ZBTB46: variants seen among roughly 807,000 people sequenced by gnomAD.
ZBTB46 encodes zinc finger and BTB domain containing 46.
In ZBTB46, 8 loss-of-function variants were observed where a neutral mutation model predicts 44.1. The observed-to-expected ratio is 0.18, with a 90% CI of 0.11 to 0.33. The LOEUF is 0.33. ZBTB46 is among the 10% of genes least tolerant of loss of function. The pLI is 1.00. For missense variants in ZBTB46, 651 were observed against 847.7 expected, an observed-to-expected ratio of 0.77 and a Z score of 2.88; for synonymous variants, 409 against 382.3, an observed-to-expected ratio of 1.07 and a Z score of -0.81.
chr20:63,817,941 A>T (rs2092769439), intron 1 of ZBTB46, among the ~76,000 whole-genome samples: 1 of 152,158 alleles, frequency 6.6e-6, no homozygotes, highest in Non-Finnish European at 1.5e-5. Flanking sequence ...GTCAGCCTCC[A>T]GCCCTGTGAC....
At chr20:63,791,744 CCCT>C (rs2092562865) in intron 1 of ZBTB46, among the ~76,000 whole-genome samples, 1 of 152,118 alleles carries the variant, frequency 6.6e-6, no homozygotes, top group Non-Finnish European at 1.5e-5. Flanking sequence ...CTCTGGGTCC[CCCT>C]CATCAGAAGA....
chr20:63,752,681 C>G lies in ZBTB46; in HGVS notation c.1398+5G>C. ...GCGCGGCACGCGGACCCTCCCCGCACTCACCAGCGTGTGGCGCTTCATGTG... is the reference window on the plus strand; with the variant it reads ...GCGCGGCACGCGGACCCTCCCCGCAGTCACCAGCGTGTGGCGCTTCATGTG... On this transcript the variant is annotated splice_donor_5th_base_variant and intron_variant, in intron 4 of 4. Coordinates refer to ENST00000245663, the MANE Select transcript of ZBTB46 (RefSeq NM_001369741.1). This position sits in a 1 kb window ranked among gnomAD's most constrained non-coding sequence, Gnocchi z 5.6. The G allele has an allele frequency of 6.4e-7, 1 of 1,570,478 alleles. No individual in the cohort carries two copies. The highest frequency in any genetic ancestry group is 8.6e-7 in the Non-Finnish European group (1 of 1,159,436).
chr20:63,826,621 A>T (rs2092820797), intron 1 of ZBTB46, among the ~76,000 whole-genome samples: 1 of 147,068 alleles, frequency 6.8e-6, no homozygotes, highest in Admixed American at 6.7e-5. Context: ...GCTACTCCGG[A>T]GGCTGAGGCA....
chr20:63,784,237 G>A (rs1216353262), intron 2 of ZBTB46, among the ~76,000 whole-genome samples: 3 of 152,184 alleles, frequency 2.0e-5, no homozygotes, highest in Non-Finnish European at 2.9e-5. Flanking sequence ...GAGACCCGCC[G>A]GAGGCAGGCC....
intron 1 of ZBTB46, among the ~76,000 whole-genome samples, chr20:63,818,457 GGACCCCCA>G (rs2092772696): frequency 6.6e-6 from 1 of 152,216 alleles, no homozygotes; most frequent in Admixed American, 6.5e-5. Flanking sequence ...AGGCCAGTGC[GGACCCCCA>G]GGGCATGTTC....
intron 3 of ZBTB46, among the ~76,000 whole-genome samples, chr20:63,765,027 TTG>T (rs1484289298): frequency 1.1e-5 from 1 of 94,774 alleles, no homozygotes; most frequent in African/African-American, 4.3e-5. Flanking sequence ...CAAGTGATTC[TTG>T]TGTGTGTGTG....
intron 3 of ZBTB46, among the ~76,000 whole-genome samples, chr20:63,762,653 AAAACAAAC>A (rs201298710): frequency 1.4e-4 from 21 of 150,084 alleles, no homozygotes; most frequent in East Asian, 9.7e-4. Context: ...CTTCTCTCAA[AAAACAAAC>A]AAACAAACAA....
chr20:63,814,464 T>C (rs998125877), intron 1 of ZBTB46, among the ~76,000 whole-genome samples: 1 of 152,280 alleles, frequency 6.6e-6, no homozygotes, highest in Admixed American at 6.5e-5. Context: ...AAATATACAA[T>C]CCAGCGGTGC....
rs1568844638 is a variant in ZBTB46, at chr20:63,767,834, C to T, written c.1222+7844G>A. ...CTGGGCAAGTCCATCCAGGGCTGGG[C>T]AAGTCCATCCAGGCCTGGGCTGGAA... On this transcript the variant is annotated intron_variant, in intron 3 of 4. Coordinates refer to ENST00000245663, the MANE Select transcript of ZBTB46 (RefSeq NM_001369741.1). The surrounding 1 kb of genome is among the most constrained non-coding windows in gnomAD (Gnocchi z 5.0). 5.1e-6 allele frequency: 5 copies of T among 974,956 alleles called. No homozygotes were observed. In the East Asian group the frequency reaches 5.7e-4, roughly 111 times the overall value. 60.4% of individuals were successfully genotyped at this position (974,956 alleles called of 1,614,324 possible).
chr20:63,766,985 G>T (rs2092325636), intron 3 of ZBTB46, among the ~76,000 whole-genome samples: 1 of 152,190 alleles, frequency 6.6e-6, no homozygotes, highest in Admixed American at 6.5e-5. Context: ...CCCACCTGCT[G>T]CTCTGGGTCC....
chr20:63,822,512 C>T (rs752095829), intron 1 of ZBTB46, among the ~76,000 whole-genome samples: 2 of 152,148 alleles, frequency 1.3e-5, no homozygotes, highest in Non-Finnish European at 2.9e-5. Context: ...CGTGATTGGC[C>T]AAGGCTGGGC....
intron 1 of ZBTB46, among the ~76,000 whole-genome samples, chr20:63,819,756 C>G (rs1043440086): frequency 5.3e-5 from 8 of 152,192 alleles, no homozygotes; most frequent in African/African-American, 1.7e-4. Flanking sequence ...CACCTCGTAA[C>G]TCCCTGCCTC....
intron 1 of ZBTB46, among the ~76,000 whole-genome samples, chr20:63,812,756 T>A (rs1162655243): frequency 6.6e-6 from 1 of 151,906 alleles, no homozygotes; most frequent in Non-Finnish European, 1.5e-5. Context: ...TCCAGCCTGG[T>A]GACAGAGCCA....
chr20:63,783,100 A>T (rs1334181361), intron 2 of ZBTB46, among the ~76,000 whole-genome samples: 1 of 152,092 alleles, frequency 6.6e-6, no homozygotes, highest in Non-Finnish European at 1.5e-5. Context: ...ACTGCACTCC[A>T]GCCTGGGCAA....
chr20:63,771,744 G>C (rs936412946), intron 3 of ZBTB46, among the ~76,000 whole-genome samples: 4 of 152,216 alleles, frequency 2.6e-5, no homozygotes, highest in Non-Finnish European at 5.9e-5. Context: ...GAAGGCCTAC[G>C]GCAGTGAGGG....
At chr20:63,819,053 A>G (rs935687294) in intron 1 of ZBTB46, among the ~76,000 whole-genome samples, 1 of 151,320 alleles carries the variant, frequency 6.6e-6, no homozygotes, top group African/African-American at 2.4e-5. Flanking sequence ...TGCGCCTGTA[A>G]TCCCAGCTAC....
chr20:63,788,727 C>G (rs1367810437), intron 2 of ZBTB46, among the ~76,000 whole-genome samples: 2 of 151,898 alleles, frequency 1.3e-5, no homozygotes, highest in African/African-American at 4.8e-5. Context: ...TAATCCCCAG[C>G]TAATCGGAGG....
chr20:63,751,998 G>C (rs914428147), intron 4 of ZBTB46, among the ~76,000 whole-genome samples: 2 of 152,104 alleles, frequency 1.3e-5, no homozygotes, highest in African/African-American at 4.8e-5. Context: ...GGAGCCCGGG[G>C]CGCCTCCACT....
intron 3 of ZBTB46, chr20:63,769,425 G>A (rs991944890): frequency 4.9e-5 from 48 of 985,290 alleles, no homozygotes; most frequent in African/African-American, 7.0e-5. Context: ...ACAGGAACGC[G>A]CACCAGCTGC....
Sources: allele counts gnomAD v4.1 joint callset (sites outside exome capture counted in the v4.1 genomes callset), GRCh38; gene constraint gnomAD v4.1.1; non-coding constraint Gnocchi (gnomAD v3.1); transcripts MANE v1.5; gene names NCBI Gene and HGNC (gene_info 2026-07-23, HGNC 2026-07-21).